The following METTL15 variants were observed in gnomAD, a reference collection of about 807,000 sequenced individuals.
The protein encoded by METTL15 is 12S rRNA N(4)-cytidine methyltransferase METTL15.
METTL15 carries 34 observed loss-of-function variants against 38.3 expected under a neutral mutation model. The ratio of observed to expected loss-of-function variants is 0.89; its 90% CI spans 0.68 to 1.18. The LOEUF (loss-of-function observed/expected upper bound fraction) is 1.18, where lower values mean the gene tolerates loss of function less well. METTL15 is among the 50% of genes most tolerant of loss of function. The probability of loss-of-function intolerance (pLI) is 0.00; values close to 1 mark genes in which losing one functional copy is unlikely to be tolerated. For missense variants in METTL15, 438 were observed against 498.4 expected, an observed-to-expected ratio of 0.88 and a Z score of 1.15; for synonymous variants, 162 against 170.9, an observed-to-expected ratio of 0.95 and a Z score of 0.41.
At position 28,418,414 on chromosome 11, in the gene METTL15, G is replaced by A. The variant is rs1347593987; in HGVS notation, c.*359-5885G>A. On this transcript the variant is annotated intron_variant and NMD_transcript_variant, in intron 5 of 7. Coordinates refer to the METTL15 transcript ENST00000532947. ...TTACTGAGTTTCATGTAGGTGAAGTGCTTCTTTTCAGTGGGTCTATTTTGA... is the reference window on the plus strand; with the variant it reads ...TTACTGAGTTTCATGTAGGTGAAGTACTTCTTTTCAGTGGGTCTATTTTGA... Among the ~76,000 whole-genome samples, 4 of 152,084 alleles carry A rather than the reference G, an allele frequency of 2.6e-5. No individual in the cohort carries two copies. In the East Asian group the frequency reaches 5.8e-4, roughly 22 times the overall value.
intron 3 of METTL15, among the ~76,000 whole-genome samples, chr11:28,154,560 G>C (rs1237088125): frequency 6.6e-6 from 1 of 152,194 alleles, no homozygotes; most frequent in East Asian, 1.9e-4. Flanking sequence ...TATAAATTTT[G>C]TTATTAGATA....
intron 4 of METTL15, among the ~76,000 whole-genome samples, chr11:28,241,599 T>C (rs371956056): frequency 1.1e-3 from 164 of 150,474 alleles, no homozygotes; most frequent in African/African-American, 3.9e-3. Context: ...ATGGGGATTG[T>C]AGATAAAGCT....
intron 4 of METTL15, among the ~76,000 whole-genome samples, chr11:28,353,602 A>G (rs1001418410): frequency 6.6e-6 from 1 of 152,224 alleles, no homozygotes; most frequent in African/African-American, 2.4e-5. Flanking sequence ...CTGGGATGCA[A>G]GAGATCTTTT....
At chr11:28,219,535 A>C (rs991063145) in intron 4 of METTL15, among the ~76,000 whole-genome samples, 1 of 151,800 alleles carries the variant, frequency 6.6e-6, no homozygotes, top group Admixed American at 6.6e-5. Context: ...GATTTTTTTG[A>C]AGGTTTTTTT....
At chr11:28,154,500 G>A (rs373883723) in intron 3 of METTL15, among the ~76,000 whole-genome samples, 108 of 152,142 alleles carry the variant, frequency 7.1e-4, no homozygotes, top group African/African-American at 2.3e-3. Flanking sequence ...ACTGATTTTA[G>A]TAGAATAAAA....
intron 4 of METTL15, among the ~76,000 whole-genome samples, chr11:28,239,033 C>G (rs550345051): frequency 6.6e-6 from 1 of 151,576 alleles, no homozygotes. Context: ...AATATTTGTT[C>G]TTCTTCAGGG....
At chr11:28,245,271 T>G (rs535346948) in intron 4 of METTL15, among the ~76,000 whole-genome samples, 2 of 152,312 alleles carry the variant, frequency 1.3e-5, no homozygotes, top group Admixed American at 1.3e-4. Flanking sequence ...AGAATAATTA[T>G]CTGCCTCGTC....
chr11:28,375,961 A>G (rs929987355), intron 5 of METTL15, among the ~76,000 whole-genome samples: 1 of 151,886 alleles, frequency 6.6e-6, no homozygotes, highest in African/African-American at 2.4e-5. Flanking sequence ...TTCAGTTTCC[A>G]TGTAGTTGAG....
intron 4 of METTL15, among the ~76,000 whole-genome samples, chr11:28,231,867 A>G (rs1434984368): frequency 2.6e-5 from 4 of 151,806 alleles, no homozygotes; most frequent in Non-Finnish European, 5.9e-5. Flanking sequence ...TTACTTCCAT[A>G]TATTATATGC....
chr11:28,179,787 A>G (rs532673694), intron 3 of METTL15, among the ~76,000 whole-genome samples: 7 of 151,820 alleles, frequency 4.6e-5, no homozygotes, highest in Non-Finnish European at 8.8e-5. Flanking sequence ...CATATAGCTA[A>G]TAGTAGAATT....
intron 5 of METTL15, among the ~76,000 whole-genome samples, chr11:28,415,251 T>TG (rs1003197711): frequency 1.3e-5 from 2 of 152,194 alleles, no homozygotes; most frequent in African/African-American, 4.8e-5. Flanking sequence ...TGGAAACATC[T>TG]GAATGACTTT....
At chr11:28,229,081 A>AC (rs1322346456) in intron 4 of METTL15, among the ~76,000 whole-genome samples, 3 of 151,928 alleles carry the variant, frequency 2.0e-5, no homozygotes, top group Non-Finnish European at 4.4e-5. Flanking sequence ...GTTAATACCT[A>AC]CCTCATGGGA....
chr11:28,527,284 C>A (rs1424372485), downstream of METTL15, among the ~76,000 whole-genome samples: 1 of 152,164 alleles, frequency 6.6e-6, no homozygotes, highest in Non-Finnish European at 1.5e-5. Context: ...TTATAAGGCA[C>A]ATTGGGTAAA....
chr11:28,162,174 G>C lies in METTL15; in HGVS notation c.270+48570G>C, dbSNP rs964698100. On this transcript the variant is annotated intron_variant, in intron 3 of 6. Transcript: ENST00000407364. Reference sequence around the variant, plus strand: ...AGTTCAGACAACTTAGCTAGTAGTAGAGTTTGGATAGAGGTTCAGGCAGCC... The same window carrying C: ...AGTTCAGACAACTTAGCTAGTAGTACAGTTTGGATAGAGGTTCAGGCAGCC... 2.0e-5 allele frequency among the ~76,000 whole-genome samples: 3 copies of C among 152,030 alleles called. 1 individual carries two copies. The highest frequency in any genetic ancestry group is 2.0e-4 in the Admixed American group (3 of 15,250).
intron 4 of METTL15, among the ~76,000 whole-genome samples, chr11:28,273,910 C>T (rs1387602640): frequency 6.6e-6 from 1 of 152,070 alleles, no homozygotes; most frequent in Non-Finnish European, 1.5e-5. Context: ...AGATTTCCGT[C>T]TAATCACCAA....
intron 3 of METTL15, among the ~76,000 whole-genome samples, chr11:28,204,435 C>CTTTTTTTT (rs59729387): frequency 3.8e-5 from 3 of 79,338 alleles, no homozygotes; most frequent in African/African-American, 5.0e-5. Context: ...CTGAGTTTTC[C>CTTTTTTTT]TTTTTTTTTT....
intron 5 of METTL15, chr11:28,410,780 C>T (rs976977574): frequency 6.6e-6 from 1 of 151,780 alleles, no homozygotes. Context: ...AGAAAAATTA[C>T]ACAAGAAAAA....
chr11:28,376,621 A>C (rs1370043081), intron 5 of METTL15, among the ~76,000 whole-genome samples: 3 of 152,066 alleles, frequency 2.0e-5, no homozygotes, highest in African/African-American at 4.8e-5. Flanking sequence ...CCAATTTGCC[A>C]GTCTGTGTCT....
chr11:28,215,603 G>T (rs1300989886), intron 4 of METTL15, among the ~76,000 whole-genome samples: 1 of 152,030 alleles, frequency 6.6e-6, no homozygotes, highest in Non-Finnish European at 1.5e-5. Context: ...TCCTAAAATT[G>T]TATAAAATAT....
Sources: gnomAD v4.1 joint callset for allele counts (sites outside exome capture counted in the v4.1 genomes callset) on GRCh38, gnomAD v4.1.1 for gene constraint, MANE v1.5 for transcripts, NCBI Gene and HGNC (gene_info 2026-07-23, HGNC 2026-07-21) for gene names.